The following WWOX variants were observed in gnomAD, a reference collection of about 807,000 sequenced individuals.
WWOX encodes WW domain containing oxidoreductase, also known as WW domain-containing oxidoreductase.
A neutral mutation model predicts 46.2 loss-of-function variants in WWOX; 69 were observed. The observed-to-expected ratio is 1.49, with a 90% confidence interval of 1.23 to 1.82. The LOEUF is 1.82. Among genes scored for constraint, WWOX ranks in the 40% most tolerant of loss-of-function variants. The pLI, the probability that WWOX is intolerant of heterozygous loss-of-function variation, is 0.00. For missense variants in WWOX, 919 were observed against 542.6 expected (o/e 1.69, Z -6.89); for synonymous variants, 359 against 202.6 (o/e 1.77, Z -6.56).
At chr16:78,342,204 G>C (rs72794024) in intron 5 of WWOX, among the ~76,000 whole-genome samples, 13,932 of 120,950 alleles carry the variant, frequency 0.12, 4,261 homozygotes, top group East Asian at 0.22. Flanking sequence ...GACCTTTCTG[G>C]GGTCTTTTAG....
chr16:78,639,815 C>A (rs1474851088), intron 8 of WWOX, among the ~76,000 whole-genome samples: 1 of 152,114 alleles, frequency 6.6e-6, no homozygotes, highest in Non-Finnish European at 1.5e-5. Flanking sequence ...ATCCACCTGC[C>A]CCAGCCTCCC....
intron 5 of WWOX, among the ~76,000 whole-genome samples, chr16:78,352,289 A>G (rs4640197): frequency 2.0e-5 from 3 of 152,276 alleles, no homozygotes; most frequent in African/African-American, 4.8e-5. Flanking sequence ...AATTTTCTCA[A>G]TGTTAGTGAC....
intron 8 of WWOX, among the ~76,000 whole-genome samples, chr16:78,791,459 G>T (rs910987477): frequency 6.6e-6 from 1 of 152,180 alleles, no homozygotes; most frequent in Non-Finnish European, 1.5e-5. Flanking sequence ...AGGGCTGGCT[G>T]AGTGACTCCT....
chr16:78,487,336 G>A (rs1236025760), intron 8 of WWOX, among the ~76,000 whole-genome samples: 1 of 152,072 alleles, frequency 6.6e-6, no homozygotes, highest in Non-Finnish European at 1.5e-5. Flanking sequence ...TGCATCAGCA[G>A]AGTTGAGCCC....
intron 8 of WWOX, among the ~76,000 whole-genome samples, chr16:78,956,342 G>T (rs926026125): frequency 6.6e-6 from 1 of 151,766 alleles, no homozygotes; most frequent in African/African-American, 2.4e-5. Context: ...TTTAGTGAAG[G>T]CGGAGTTTCA....
chr16:78,935,446 T>C (rs1446260775), intron 8 of WWOX, among the ~76,000 whole-genome samples: 1 of 152,048 alleles, frequency 6.6e-6, no homozygotes, highest in African/African-American at 2.4e-5. Flanking sequence ...TGAGTTCATG[T>C]CTCTTGTAGG....
At chr16:78,575,054 T>TATATATATAA (rs2044836177) in intron 8 of WWOX, among the ~76,000 whole-genome samples, 1 of 15,462 alleles carries the variant, frequency 6.5e-5, no homozygotes. Context: ...TATATATATA[T>TATATATATAA]ATATATATAT....
intron 8 of WWOX, among the ~76,000 whole-genome samples, chr16:79,102,056 GGGGGAGGGGGGGAGGGGGTGT>G (rs1002805827): frequency 3.1e-5 from 4 of 127,952 alleles, no homozygotes; most frequent in African/African-American, 1.2e-4. Flanking sequence ...CAGGGAGTAG[GGGGGAGGGGGGGAGGGGGTGT>G]GGGGAGGGTG....
At chr16:78,306,797 G>A (rs1289168807) in intron 5 of WWOX, among the ~76,000 whole-genome samples, 1 of 151,166 alleles carries the variant, frequency 6.6e-6, no homozygotes, top group Non-Finnish European at 1.5e-5. Flanking sequence ...AATCCCCACT[G>A]AGTCCCATTC....
rs547596736 is a variant in WWOX at position 78,322,737 on chromosome 16, C to T, written c.517-64123C>T. ...GCAAACATTTTCTGTAAGGGAGAGA[C>T]AGTATTTTATGCTTTGCAGTACAGT... On this transcript the variant is annotated intron_variant, in intron 5 of 8. Transcript: ENST00000566780. Among the ~76,000 whole-genome samples, 26 of 152,192 alleles carry T rather than the reference C, an allele frequency of 1.7e-4. 1 individual carries two copies. Among genetic ancestry groups the T allele is most frequent in the Non-Finnish European group, 3.2e-4 (22 of 68,038 alleles).
chr16:78,723,993 C>T (rs369965336), intron 8 of WWOX, among the ~76,000 whole-genome samples: 1 of 152,138 alleles, frequency 6.6e-6, no homozygotes. Flanking sequence ...CCCTCTGATT[C>T]AGGCTCAGCA....
At chr16:79,083,931 GTGC>G (rs1209290434) in intron 8 of WWOX, among the ~76,000 whole-genome samples, 2 of 152,154 alleles carry the variant, frequency 1.3e-5, no homozygotes, top group East Asian at 3.8e-4. Context: ...TTATGAGGTC[GTGC>G]TTTGCATTTT....
chr16:78,468,264 C>A (rs971091344), intron 8 of WWOX, among the ~76,000 whole-genome samples: 1 of 136,686 alleles, frequency 7.3e-6, no homozygotes, highest in Admixed American at 7.4e-5. Context: ...GGCTGCCTTT[C>A]TTTTTTTTTT....
intron 8 of WWOX, among the ~76,000 whole-genome samples, chr16:79,070,904 CGT>C (rs2048537860): frequency 1.3e-5 from 2 of 152,112 alleles, no homozygotes; most frequent in Admixed American, 6.5e-5. Context: ...GAAGTAGCAT[CGT>C]CACTCAGCAC....
At chr16:78,687,327 A>G (rs1449963697) in intron 8 of WWOX, among the ~76,000 whole-genome samples, 1 of 152,262 alleles carries the variant, frequency 6.6e-6, no homozygotes, top group Non-Finnish European at 1.5e-5. Context: ...TACATTTTAG[A>G]TTAAAGCATT....
intron 8 of WWOX, among the ~76,000 whole-genome samples, chr16:78,744,231 T>G (rs2049295189): frequency 6.6e-6 from 1 of 152,068 alleles, no homozygotes; most frequent in East Asian, 1.9e-4. Context: ...AAGACAGGGC[T>G]TAAGGAAGGA....
chr16:78,979,620 G>T (rs2046642052), intron 8 of WWOX, among the ~76,000 whole-genome samples: 1 of 152,136 alleles, frequency 6.6e-6, no homozygotes, highest in Non-Finnish European at 1.5e-5. Flanking sequence ...TTCTACCGAT[G>T]CTCTTGAAAG....
chr16:78,238,885 C>G (rs2037531899), intron 5 of WWOX, among the ~76,000 whole-genome samples: 1 of 151,948 alleles, frequency 6.6e-6, no homozygotes, highest in African/African-American at 2.4e-5. Flanking sequence ...TCCCAAAGTG[C>G]TGGGATTACA....
At chr16:78,364,215 C>T (rs987814148) in intron 5 of WWOX, among the ~76,000 whole-genome samples, 25 of 152,086 alleles carry the variant, frequency 1.6e-4, no homozygotes, top group Admixed American at 6.6e-4. Flanking sequence ...TACATTTTAG[C>T]TTCTGGTATA....
Sources: allele counts gnomAD v4.1 joint callset (sites outside exome capture counted in the v4.1 genomes callset), GRCh38; gene constraint gnomAD v4.1.1; transcripts MANE v1.5; gene names NCBI Gene and HGNC (gene_info 2026-07-23, HGNC 2026-07-21).